Variants in SOX5 observed in about 807,000 individuals in gnomAD.
SOX5 encodes the protein transcription factor SOX-5.
Under a neutral mutation model 92.0 loss-of-function variants are expected in SOX5, and 9 were observed. The observed-to-expected ratio is 0.10, with a 90% confidence interval of 0.06 to 0.17. The LOEUF is 0.17. Among genes scored for constraint, SOX5 ranks in the 10% least tolerant of loss-of-function variants. SOX5 has a pLI of 1.00. For missense variants in SOX5, 642 were observed against 944.5 expected (o/e 0.68, Z 4.20); for synonymous variants, 344 against 336.3 (o/e 1.02, Z -0.25).
intron 4 of SOX5, among the ~76,000 whole-genome samples, chr12:24,121,332 T>C (rs766202831): frequency 1.6e-4 from 25 of 152,284 alleles, no homozygotes; most frequent in Non-Finnish European, 3.2e-4. Flanking sequence ...CAAAACAAAC[T>C]CATGCTAATT....
At position 24,264,999 on chromosome 12, in the gene SOX5, A is replaced by G. The variant is rs112165960; in HGVS notation, c.-77+12217T>C. ...AGAACTACCCAACTAGGGGAGGCATATCAACCCGAAAGCCTGCTGTCTCCA... is the reference window on the plus strand; with the variant it reads ...AGAACTACCCAACTAGGGGAGGCATGTCAACCCGAAAGCCTGCTGTCTCCA... On this transcript the variant is annotated intron_variant, in intron 3 of 4. Coordinates refer to the SOX5 transcript ENST00000446891. Among the ~76,000 whole-genome samples, 609 of 152,350 alleles carry G rather than the reference A, an allele frequency of 4.0e-3. 2 individuals are homozygous for G. Among genetic ancestry groups the G allele is most frequent in the African/African-American group, 0.014 (589 of 41,588 alleles).
At chr12:24,295,118 T>TTACAAGTATATATGAGTAAA (rs1565847920) in intron 2 of SOX5, among the ~76,000 whole-genome samples, 4 of 147,690 alleles carry the variant, frequency 2.7e-5, no homozygotes, top group African/African-American at 1.0e-4. Flanking sequence ...AAATAAATTT[T>TTACAAGTATATATGAGTAAA]TATAAGTATA....
intron 2 of SOX5, among the ~76,000 whole-genome samples, chr12:23,851,810 T>TA (rs1312892796): frequency 6.6e-6 from 1 of 152,046 alleles, no homozygotes; most frequent in Non-Finnish European, 1.5e-5. Context: ...GATCAGCACT[T>TA]ACAACATCAG....
At chr12:23,777,282 T>C (rs1024664502) in intron 3 of SOX5, among the ~76,000 whole-genome samples, 4 of 152,172 alleles carry the variant, frequency 2.6e-5, no homozygotes, top group Non-Finnish European at 4.4e-5. Context: ...ATTATCTAAG[T>C]TTCTTAATTA....
intron 4 of SOX5, among the ~76,000 whole-genome samples, chr12:24,033,997 A>G (rs1316585791): frequency 6.6e-6 from 1 of 152,080 alleles, no homozygotes; most frequent in Non-Finnish European, 1.5e-5. Context: ...CTGTAAGTCC[A>G]GTCTATATTT....
At chr12:23,718,656 C>CA (rs201715345) in intron 6 of SOX5, among the ~76,000 whole-genome samples, 4,225 of 152,208 alleles carry the variant, frequency 0.028, 90 homozygotes, top group South Asian at 0.041. Context: ...TATCCTGCAT[C>CA]AAAAACCTTA....
chr12:24,056,260 T>C (rs1180561123), intron 4 of SOX5, among the ~76,000 whole-genome samples: 1 of 149,116 alleles, frequency 6.7e-6, no homozygotes, highest in African/African-American at 2.5e-5. Context: ...ACCCACCATG[T>C]AGATCCACAC....
intron 3 of SOX5, among the ~76,000 whole-genome samples, chr12:24,232,829 A>T (rs1963673977): frequency 6.6e-6 from 1 of 152,220 alleles, no homozygotes; most frequent in African/African-American, 2.4e-5. Flanking sequence ...AAATTGAGAC[A>T]TTCCATATAA....
At chr12:23,647,811 G>A (rs1440688226) in intron 7 of SOX5, among the ~76,000 whole-genome samples, 1 of 152,216 alleles carries the variant, frequency 6.6e-6, no homozygotes, top group East Asian at 1.9e-4. Flanking sequence ...TTTGGCTTAA[G>A]GGAATGTTGT....
chr12:23,790,465 C>G (rs780621054), intron 3 of SOX5, among the ~76,000 whole-genome samples: 7 of 151,792 alleles, frequency 4.6e-5, no homozygotes, highest in African/African-American at 1.7e-4. Flanking sequence ...TTATTTCTTT[C>G]ACAACCTCAT....
chr12:23,660,554 C>A (rs1285810565), intron 7 of SOX5, among the ~76,000 whole-genome samples: 1 of 152,146 alleles, frequency 6.6e-6, no homozygotes, highest in African/African-American at 2.4e-5. Flanking sequence ...TGCTTGAAAT[C>A]ATATTGACAA....
Position 23,794,631 on chromosome 12 carries a change from A to T in SOX5, c.482-38907T>A, listed in dbSNP as rs149214395. 3.3e-3 allele frequency among the ~76,000 whole-genome samples: 495 copies of T among 152,298 alleles called. 8 individuals carry two copies. The highest frequency in any genetic ancestry group is 0.011 in the African/African-American group (471 of 41,588). ...AACAAAAACGCAATGTTTACAGATG[A>T]TACTTCATGTTCCTTGTAAGAAGAA... On this transcript the variant is annotated intron_variant, in intron 3 of 14. Transcript: ENST00000451604.
At chr12:23,559,059 G>A (rs1030620424) in intron 11 of SOX5, among the ~76,000 whole-genome samples, 5 of 152,114 alleles carry the variant, frequency 3.3e-5, no homozygotes, top group Non-Finnish European at 5.9e-5. Context: ...TTCTCATTTC[G>A]GCTGAGTGCA....
intron 6 of SOX5, among the ~76,000 whole-genome samples, chr12:23,729,231 T>C (rs757716284): frequency 9.9e-5 from 15 of 152,144 alleles, no homozygotes; most frequent in Non-Finnish European, 2.1e-4. Context: ...TATTTCCTTT[T>C]TTATAGATTG....
chr12:23,941,657 C>T (rs1943666250), intron 1 of SOX5, among the ~76,000 whole-genome samples: 1 of 151,410 alleles, frequency 6.6e-6, no homozygotes, highest in Admixed American at 6.6e-5. Flanking sequence ...ATAGATAATG[C>T]TGTATCATAG....
intron 4 of SOX5, among the ~76,000 whole-genome samples, chr12:24,153,003 T>A (rs1019169480): frequency 6.6e-6 from 1 of 152,118 alleles, no homozygotes; most frequent in African/African-American, 2.4e-5. Context: ...GTGTAAAGTG[T>A]TCTCACGCCC....
At chr12:23,717,365 T>C (rs1334266863) in intron 6 of SOX5, among the ~76,000 whole-genome samples, 3 of 152,174 alleles carry the variant, frequency 2.0e-5, no homozygotes, top group African/African-American at 7.2e-5. Context: ...ATGTAGCAAA[T>C]ATAGTCTGTA....
At chr12:24,225,493 T>TAC (rs1565695576) in intron 3 of SOX5, among the ~76,000 whole-genome samples, 4 of 147,944 alleles carry the variant, frequency 2.7e-5, no homozygotes, top group Admixed American at 1.3e-4. Flanking sequence ...TTTTTTTTTT[T>TAC]CCCCACTTAG....
At position 24,391,722 on chromosome 12, in the gene SOX5, C is replaced by A. The variant is rs147518662; in HGVS notation, c.-250-23083G>T. 9.1e-4 allele frequency among the ~76,000 whole-genome samples: 138 copies of A among 152,172 alleles called. 1 individual carries two copies. Among genetic ancestry groups the A allele is most frequent in the African/African-American group, 3.0e-3 (123 of 41,522 alleles). ...TTTGCATTATTAGATCTTTGAGAAC[C>A]CATACTGGCTTCTGGTGAACACTGC... On this transcript the variant is annotated intron_variant, in intron 1 of 4. Coordinates refer to the SOX5 transcript ENST00000446891.
Sources: allele counts gnomAD v4.1 joint callset (sites outside exome capture counted in the v4.1 genomes callset), GRCh38; gene constraint gnomAD v4.1.1; transcripts MANE v1.5; gene names NCBI Gene and HGNC (gene_info 2026-07-23, HGNC 2026-07-21).